Variants in STK3 observed in about 807,000 individuals in gnomAD.
STK3 encodes serine/threonine kinase 3, also known as serine/threonine-protein kinase 3.
A neutral mutation model predicts 58.0 loss-of-function variants in STK3; 41 were observed. That is an observed-to-expected ratio of 0.71 (90% CI 0.55 to 0.92). STK3 has a LOEUF of 0.92. Ranked by LOEUF, STK3 falls within the 40% of genes least tolerant of loss-of-function variation. The pLI is 0.00. For synonymous variants in STK3, 170 were observed against 191.0 expected (o/e 0.89, Z 0.91); for missense variants, 479 against 602.7 (o/e 0.79, Z 2.15).
intron 6 of STK3, among the ~76,000 whole-genome samples, chr8:98,697,163 C>A (rs1825029672): frequency 2.0e-5 from 3 of 152,202 alleles, no homozygotes. Flanking sequence ...TTGTAGTATT[C>A]TCTGATGGTA....
intron 1 of STK3, among the ~76,000 whole-genome samples, chr8:98,789,225 AC>A: frequency 6.6e-6 from 1 of 152,310 alleles, no homozygotes; most frequent in East Asian, 1.9e-4. Flanking sequence ...AACAATAGTG[AC>A]CCAACCTATC....
chr8:98,693,061 A>G (rs1376327840), intron 6 of STK3, among the ~76,000 whole-genome samples: 1 of 152,176 alleles, frequency 6.6e-6, no homozygotes, highest in African/African-American at 2.4e-5. Context: ...AAGTGCCCTT[A>G]TAAGAGAAAG....
intron 10 of STK3, among the ~76,000 whole-genome samples, chr8:98,456,785 T>C (rs1200766557): frequency 1.3e-5 from 2 of 152,256 alleles, no homozygotes; most frequent in African/African-American, 2.4e-5. Context: ...TTTAAGAAGA[T>C]AATTGCCTTT....
intron 7 of STK3, among the ~76,000 whole-genome samples, chr8:98,583,492 T>C (rs907387315): frequency 1.4e-5 from 2 of 147,222 alleles, no homozygotes; most frequent in Non-Finnish European, 3.0e-5. Context: ...AACAGCAGGG[T>C]TGGGGTGGGC....
At chr8:98,593,867 T>G (rs1815556924) in intron 7 of STK3, among the ~76,000 whole-genome samples, 1 of 152,010 alleles carries the variant, frequency 6.6e-6, no homozygotes, top group African/African-American at 2.4e-5. Flanking sequence ...AAGACTCTAA[T>G]GAGGCCAAAG....
At chr8:98,923,857 G>A (rs905509126) in intron 1 of STK3, among the ~76,000 whole-genome samples, 8 of 71,052 alleles carry the variant, frequency 1.1e-4, no homozygotes, top group Non-Finnish European at 1.7e-4. Context: ...GTGTGTGTGC[G>A]CGCGCGCGCG....
chr8:98,668,302 T>C (rs920226108), intron 6 of STK3, among the ~76,000 whole-genome samples: 25 of 152,216 alleles, frequency 1.6e-4, no homozygotes, highest in Admixed American at 1.5e-3. Flanking sequence ...GGGCATTTAA[T>C]CTTGCACTGA....
chr8:98,781,807 A>T (rs905550348), intron 1 of STK3, among the ~76,000 whole-genome samples: 54 of 152,120 alleles, frequency 3.5e-4, no homozygotes, highest in African/African-American at 1.3e-3. Flanking sequence ...AAAAAAAAAA[A>T]TTATTAAACC....
At chr8:98,734,085 T>C (rs1563941447) in intron 4 of STK3, among the ~76,000 whole-genome samples, 1 of 152,056 alleles carries the variant, frequency 6.6e-6, no homozygotes, top group Non-Finnish European at 1.5e-5. Flanking sequence ...CACACTCTCA[T>C]GAGAACTCAC....
At chr8:98,732,172 C>A (rs2131254060) in intron 4 of STK3, among the ~76,000 whole-genome samples, 1 of 152,094 alleles carries the variant, frequency 6.6e-6, no homozygotes, top group East Asian at 1.9e-4. Context: ...GACGGATAAT[C>A]TAAGAGGAAA....
intron 1 of STK3, among the ~76,000 whole-genome samples, chr8:98,780,196 C>T (rs2131523840): frequency 6.6e-6 from 1 of 151,484 alleles, no homozygotes; most frequent in South Asian, 2.1e-4. Flanking sequence ...AATATATATA[C>T]ATATACACTG....
chr8:98,890,146 C>A (rs1048146934), intron 1 of STK3, among the ~76,000 whole-genome samples: 4 of 152,188 alleles, frequency 2.6e-5, no homozygotes, highest in Non-Finnish European at 5.9e-5. Flanking sequence ...TGTGCTGGGA[C>A]AAAGTACCCA....
At chr8:98,536,691 T>C (rs1460948970) in intron 9 of STK3, among the ~76,000 whole-genome samples, 1 of 152,228 alleles carries the variant, frequency 6.6e-6, no homozygotes, top group Non-Finnish European at 1.5e-5. Flanking sequence ...TACTCTGCTT[T>C]TGGATTTCTC....
At chr8:98,504,392 T>A (rs1007630833) in intron 10 of STK3, among the ~76,000 whole-genome samples, 2 of 152,238 alleles carry the variant, frequency 1.3e-5, no homozygotes, top group African/African-American at 2.4e-5. Context: ...CATTTACATT[T>A]AAGGTTACTA....
intron 8 of STK3, among the ~76,000 whole-genome samples, chr8:98,560,727 T>C (rs1563740417): frequency 6.6e-6 from 1 of 152,014 alleles, no homozygotes; most frequent in Non-Finnish European, 1.5e-5. Context: ...GCCAAGGCAA[T>C]ACTGAATCAG....
At chr8:98,652,998 G>A (rs948521532) in intron 6 of STK3, among the ~76,000 whole-genome samples, 4 of 152,134 alleles carry the variant, frequency 2.6e-5, no homozygotes, top group African/African-American at 9.7e-5. Flanking sequence ...GACATCTACA[G>A]AACTCTCCAC....
At chr8:98,855,352 T>C (rs149119964) in intron 3 of STK3, among the ~76,000 whole-genome samples, 2 of 152,256 alleles carry the variant, frequency 1.3e-5, no homozygotes, top group East Asian at 3.9e-4. Context: ...TAGAAATAAA[T>C]TTATATATCT....
At chr8:98,560,999 A>T (rs1383639735) in intron 8 of STK3, among the ~76,000 whole-genome samples, 2 of 152,098 alleles carry the variant, frequency 1.3e-5, no homozygotes, top group Admixed American at 6.6e-5. Flanking sequence ...CTGTCACTGT[A>T]CTCCAACCTG....
chr8:98,598,112 TA>T, intron 6 of STK3: 1 of 985,396 alleles, frequency 1.0e-6, no homozygotes, highest in Non-Finnish European at 1.2e-6. Flanking sequence ...AAACTGCAGG[TA>T]AATTATACTA....
Sources: allele counts gnomAD v4.1 joint callset (sites outside exome capture counted in the v4.1 genomes callset), GRCh38; gene constraint gnomAD v4.1.1; transcripts MANE v1.5; gene names NCBI Gene and HGNC (gene_info 2026-07-23, HGNC 2026-07-21).